The following LPP variants were observed in gnomAD, a reference collection of about 807,000 sequenced individuals.
LPP encodes LIM domain containing preferred translocation partner in lipoma.
Under a neutral mutation model 60.4 loss-of-function variants are expected in LPP, and 38 were observed. That is an observed-to-expected ratio of 0.63 (90% CI 0.49 to 0.83). The LOEUF (loss-of-function observed/expected upper bound fraction) is 0.83. Among genes scored for constraint, LPP ranks in the 40% least tolerant of loss-of-function variants. The pLI, the probability that LPP is intolerant of heterozygous loss-of-function variation, is 0.00. For missense variants in LPP, 902 were observed against 783.6 expected (o/e 1.15, Z -1.80); for synonymous variants, 328 against 290.8 (o/e 1.13, Z -1.30).
At chr3:188,840,866 G>GT (rs1326656856) in intron 9 of LPP, among the ~76,000 whole-genome samples, 3 of 152,104 alleles carry the variant, frequency 2.0e-5, no homozygotes, top group Non-Finnish European at 4.4e-5. Context: ...CTCTAGCCTT[G>GT]TTTCTAGCAC....
intron 3 of LPP, among the ~76,000 whole-genome samples, chr3:188,395,122 A>C (rs1780604927): frequency 6.6e-6 from 1 of 152,144 alleles, no homozygotes; most frequent in South Asian, 2.1e-4. Context: ...AAGGTTGATA[A>C]TTTATATCTC....
chr3:188,836,682 A>G (rs1322291803), intron 9 of LPP, among the ~76,000 whole-genome samples: 1 of 152,202 alleles, frequency 6.6e-6, no homozygotes, highest in Admixed American at 6.5e-5. Flanking sequence ...CATGTTTCTT[A>G]TCACTTTTTA....
intron 2 of LPP, among the ~76,000 whole-genome samples, chr3:188,302,642 C>T (rs984166569): frequency 6.6e-6 from 1 of 152,158 alleles, no homozygotes; most frequent in African/African-American, 2.4e-5. Context: ...AGAAAGGTCT[C>T]CTCCACAAGA....
chr3:188,285,216 G>C (rs1263208579), intron 2 of LPP, among the ~76,000 whole-genome samples: 1 of 152,132 alleles, frequency 6.6e-6, no homozygotes, highest in Non-Finnish European at 1.5e-5. Flanking sequence ...AAGTTGTATT[G>C]TTGGTCGTAG....
intron 3 of LPP, among the ~76,000 whole-genome samples, chr3:188,360,648 C>T (rs1004480887): frequency 3.3e-5 from 5 of 152,150 alleles, no homozygotes; most frequent in African/African-American, 9.7e-5. Flanking sequence ...TGAGCCACCA[C>T]ATCTGGCCTG....
intron 5 of LPP, among the ~76,000 whole-genome samples, chr3:188,494,219 G>A (rs1012937970): frequency 6.6e-6 from 1 of 152,122 alleles, no homozygotes; most frequent in Non-Finnish European, 1.5e-5. Context: ...GGTCCTCAAG[G>A]CTAATGGTTT....
intron 3 of LPP, among the ~76,000 whole-genome samples, chr3:188,368,437 A>G (rs1771864273): frequency 6.6e-6 from 1 of 151,682 alleles, no homozygotes; most frequent in Non-Finnish European, 1.5e-5. Flanking sequence ...TTAAGCTGGA[A>G]GGGTCCTCAG....
At chr3:188,312,243 C>A (rs1354223205) in intron 2 of LPP, among the ~76,000 whole-genome samples, 3 of 152,046 alleles carry the variant, frequency 2.0e-5, no homozygotes, top group African/African-American at 7.2e-5. Context: ...TACACATTTG[C>A]ATTTCTGTTA....
chr3:188,485,000 G>A (rs1333191533), intron 5 of LPP, among the ~76,000 whole-genome samples: 1 of 152,082 alleles, frequency 6.6e-6, no homozygotes, highest in Admixed American at 6.5e-5. Flanking sequence ...TATTTGAGAA[G>A]GCAACATTTC....
rs1001321431 is a variant in LPP, at chr3:188,178,784, C to A, written c.-190+24532C>A. 82 of 170,544 alleles carry A rather than the reference C, an allele frequency of 4.8e-4. 1 individual carries two copies. Among genetic ancestry groups the A allele is most frequent in the African/African-American group, 1.8e-3 (75 of 41,732 alleles). The allele number at this position is 170,544 out of a possible 1,614,324, so 10.6% of individuals were successfully genotyped here. ...TTTGGGCTGTCTAGGATGTTGTGATCGACACAGGAAACAGACATGAAAGCC... is the reference window on the plus strand; with the variant it reads ...TTTGGGCTGTCTAGGATGTTGTGATAGACACAGGAAACAGACATGAAAGCC... On this transcript the variant is annotated intron_variant, in intron 1 of 11. Coordinates refer to ENST00000617246, the MANE Select transcript of LPP (RefSeq NM_001375462.1).
chr3:188,609,809 G>C lies in LPP; in HGVS notation c.1078G>C (p.Val360Leu), dbSNP rs2151378239. The C allele has an allele frequency of 6.2e-7, 1 of 1,613,410 alleles. No homozygotes were observed. Among genetic ancestry groups the C allele is most frequent in the South Asian group, 1.1e-5 (1 of 91,058 alleles). ...CAAGAAGACCTATATCACAGATCCT[G>C]TTTCAGCCCCCTGTGCGCCACCATT... ...GPKKTYITDP[V>L]SAPCAPPLQP... Residue 360 changes from valine to leucine, a missense_variant, in exon 7 of 12, where the codon GTT (valine) becomes CTT (leucine). Coordinates refer to ENST00000617246, the MANE Select transcript of LPP (RefSeq NM_001375462.1). This position sits in a 1 kb window ranked among gnomAD's most constrained non-coding sequence, Gnocchi z 6.9.
intron 7 of LPP, among the ~76,000 whole-genome samples, chr3:188,625,866 T>C (rs1846739642): frequency 6.6e-6 from 1 of 152,194 alleles, no homozygotes. Context: ...ATGATTCAAG[T>C]CTGTTAACCA....
intron 6 of LPP, among the ~76,000 whole-genome samples, chr3:188,530,407 TAGA>T (rs1459701704): frequency 1.3e-5 from 2 of 152,240 alleles, no homozygotes; most frequent in Admixed American, 6.5e-5. Flanking sequence ...GGAGTAGTTT[TAGA>T]AGAACAGATG....
rs1770178187 is a variant in LPP at position 188,882,649 on chromosome 3, T to A, written c.*8170T>A. 1.4e-5 allele frequency: 3 copies of A among 218,612 alleles called. No homozygotes were observed. The East Asian group carries it at 2.0e-4, about 15-fold the overall frequency. 13.5% of individuals were successfully genotyped at this position (218,612 alleles called of 1,614,324 possible). A position where few individuals can be genotyped will look rare whatever the true frequency, so the allele number is the denominator to read the frequency against. On this transcript the variant is annotated 3_prime_UTR_variant, in exon 12 of 12. Coordinates refer to ENST00000617246, the MANE Select transcript of LPP (RefSeq NM_001375462.1). ...CAAGCAGGACATCTCTATTTTCCTATTGAGTCTGAGTCCATTATTAGAAAG... is the reference window on the plus strand; with the variant it reads ...CAAGCAGGACATCTCTATTTTCCTAATGAGTCTGAGTCCATTATTAGAAAG...
intron 6 of LPP, among the ~76,000 whole-genome samples, chr3:188,555,217 G>A (rs1355313877): frequency 6.6e-6 from 1 of 152,082 alleles, no homozygotes; most frequent in Non-Finnish European, 1.5e-5. Context: ...GGTGCCTGAA[G>A]CCAAGTGATC....
intron 2 of LPP, among the ~76,000 whole-genome samples, chr3:188,245,022 G>T (rs1302779370): frequency 6.6e-6 from 1 of 152,152 alleles, no homozygotes; most frequent in Non-Finnish European, 1.5e-5. Context: ...GTTGTTAGTG[G>T]TGATTTTTGT....
chr3:188,462,226 A>G (rs556853046), intron 4 of LPP, among the ~76,000 whole-genome samples: 4 of 151,734 alleles, frequency 2.6e-5, no homozygotes, highest in Non-Finnish European at 4.4e-5. Context: ...AACTTTTAAA[A>G]TAGACATTAT....
intron 4 of LPP, among the ~76,000 whole-genome samples, chr3:188,452,517 C>A (rs1269598903): frequency 6.6e-6 from 1 of 152,126 alleles, no homozygotes; most frequent in South Asian, 2.1e-4. Context: ...ATGATAGAGT[C>A]CTCTTCTTCT....
intron 5 of LPP, among the ~76,000 whole-genome samples, chr3:188,501,715 G>T (rs1451713189): frequency 4.8e-5 from 7 of 145,770 alleles, no homozygotes; most frequent in Non-Finnish European, 7.4e-5. Flanking sequence ...CTCCAGCCTG[G>T]GTGACAGAGG....
Sources: allele counts gnomAD v4.1 joint callset (sites outside exome capture counted in the v4.1 genomes callset), GRCh38; gene constraint gnomAD v4.1.1; non-coding constraint Gnocchi (gnomAD v3.1); transcripts MANE v1.5; gene names NCBI Gene and HGNC (gene_info 2026-07-23, HGNC 2026-07-21).